ATG10: variants seen among roughly 807,000 people sequenced by gnomAD.
ATG10 encodes the protein ubiquitin-like-conjugating enzyme ATG10.
ATG10 carries 30 observed loss-of-function variants against 32.1 expected under a neutral mutation model. The observed-to-expected ratio is 0.94, with a 90% CI of 0.70 to 1.27. ATG10 has a LOEUF of 1.27. ATG10 is among the 50% of genes most tolerant of loss of function. ATG10 has a pLI of 0.00. For missense variants in ATG10, 233 were observed against 262.3 expected (o/e 0.89, Z 0.77); for synonymous variants, 87 against 91.5 (o/e 0.95, Z 0.28).
At chr5:82,120,078 G>T (rs929719598) in intron 3 of ATG10, among the ~76,000 whole-genome samples, 5 of 151,964 alleles carry the variant, frequency 3.3e-5, no homozygotes, top group East Asian at 3.9e-4. Flanking sequence ...AATTGGAAGG[G>T]TTGCTACTCC....
chr5:82,124,545 G>A (rs1215227907), intron 3 of ATG10, among the ~76,000 whole-genome samples: 3 of 151,578 alleles, frequency 2.0e-5, no homozygotes, highest in Admixed American at 6.6e-5. Context: ...GAGAACATGT[G>A]GTGTTTGGTT....
At chr5:82,046,013 C>T (rs1031738424) in intron 2 of ATG10, among the ~76,000 whole-genome samples, 6 of 152,124 alleles carry the variant, frequency 3.9e-5, no homozygotes, top group Non-Finnish European at 8.8e-5. Context: ...TGGGTAAAGC[C>T]CTTTTGGCTT....
intron 3 of ATG10, among the ~76,000 whole-genome samples, chr5:82,102,737 A>G (rs574987371): frequency 2.6e-5 from 4 of 152,262 alleles, no homozygotes; most frequent in Admixed American, 1.3e-4. Flanking sequence ...TCCTTCTCAC[A>G]GTGTTTTTAG....
intron 2 of ATG10, among the ~76,000 whole-genome samples, chr5:82,041,883 T>C (rs1365215881): frequency 6.6e-6 from 1 of 152,188 alleles, no homozygotes; most frequent in Non-Finnish European, 1.5e-5. Context: ...CCTAATCTCC[T>C]GTTAATTATA....
At position 82,178,521 on chromosome 5, in the gene ATG10, G is replaced by A; in HGVS notation, c.387G>A (p.Trp129Ter). 1 of 1,612,078 alleles carries A rather than the reference G, an allele frequency of 6.2e-7. No homozygotes were observed. The highest frequency in any genetic ancestry group is 8.5e-7 in the Non-Finnish European group (1 of 1,178,474). Reference sequence around the variant, plus strand: ...GACCTTTAACTCTGAAGGACATATGGGAAGGAGTTCATGAGTGCTATAAGA... The same window carrying A: ...GACCTTTAACTCTGAAGGACATATGAGAAGGAGTTCATGAGTGCTATAAGA... ...DGRPLTLKDI[W>*]EGVHECYKMR... The change falls in exon 5 of 8, where the codon TGG (tryptophan) becomes TGA (stop). Residue 129 changes from tryptophan to a stop codon, truncating the protein, a stop_gained. Coordinates refer to ENST00000282185, the MANE Select transcript of ATG10 (RefSeq NM_031482.5). LOFTEE classifies it high-confidence loss of function.
intron 3 of ATG10, among the ~76,000 whole-genome samples, chr5:82,064,423 A>G (rs1763878403): frequency 6.6e-6 from 1 of 152,092 alleles, no homozygotes; most frequent in Admixed American, 6.5e-5. Flanking sequence ...ATATGTAGAT[A>G]TGTGAATGGA....
At chr5:82,228,892 C>T (rs1746239744) in intron 5 of ATG10, among the ~76,000 whole-genome samples, 1 of 152,120 alleles carries the variant, frequency 6.6e-6, no homozygotes, top group Non-Finnish European at 1.5e-5. Flanking sequence ...TTTATATTTT[C>T]CTGAGTACCA....
intron 3 of ATG10, among the ~76,000 whole-genome samples, chr5:82,077,099 G>A (rs900340983): frequency 7.9e-5 from 12 of 152,160 alleles, no homozygotes; most frequent in African/African-American, 2.9e-4. Context: ...CGAGGCAGGC[G>A]ACGCTTCAGC....
intron 5 of ATG10, among the ~76,000 whole-genome samples, chr5:82,190,569 G>A (rs1196373511): frequency 1.3e-5 from 2 of 151,620 alleles, no homozygotes; most frequent in South Asian, 2.1e-4. Flanking sequence ...TCAAGAGATC[G>A]AGACCATCCT....
chr5:81,999,143 CAAA>C (rs370637760), intron 2 of ATG10, among the ~76,000 whole-genome samples: 15 of 116,518 alleles, frequency 1.3e-4, no homozygotes, highest in Admixed American at 1.8e-4. Flanking sequence ...AATCCTCAGC[CAAA>C]AAAAAAAAAA....
intron 5 of ATG10, among the ~76,000 whole-genome samples, chr5:82,195,669 G>A (rs1040642119): frequency 2.6e-5 from 4 of 151,960 alleles, no homozygotes; most frequent in African/African-American, 9.7e-5. Context: ...CTTTCATTTG[G>A]CATGTTTTCA....
intron 3 of ATG10, among the ~76,000 whole-genome samples, chr5:82,149,910 A>T (rs1370743215): frequency 6.6e-6 from 1 of 151,966 alleles, no homozygotes; most frequent in Admixed American, 6.6e-5. Flanking sequence ...GCTGAGTCTG[A>T]CCTTTTGTTA....
intron 2 of ATG10, among the ~76,000 whole-genome samples, chr5:82,033,813 A>G (rs1762815217): frequency 6.6e-6 from 1 of 151,204 alleles, no homozygotes; most frequent in South Asian, 2.1e-4. Context: ...AGATACACAT[A>G]TGTATATATC....
Position 82,079,337 on chromosome 5 carries a change from AAGAG to A in ATG10, c.216+20744_216+20747del, listed in dbSNP as rs896840617. On this transcript the variant is annotated intron_variant, in intron 3 of 7. Transcript: ENST00000282185. ...CATCTTACATGGATGGCAGCAGGCA[AAGAG>A]AGAGAGAGCACTTGTTCAGGGAAAC... Among the ~76,000 whole-genome samples, 208 of 152,104 alleles carry A rather than the reference AAGAG, an allele frequency of 1.4e-3. 2 individuals are homozygous for A. Among genetic ancestry groups the A allele is most frequent in the Admixed American group, 0.013 (202 of 15,252 alleles).
chr5:82,214,801 A>T (rs992164725), intron 5 of ATG10, among the ~76,000 whole-genome samples: 1 of 152,152 alleles, frequency 6.6e-6, no homozygotes, highest in African/African-American at 2.4e-5. Context: ...AAACAAGTGC[A>T]AACTGGCAGC....
intron 2 of ATG10, among the ~76,000 whole-genome samples, chr5:82,030,138 C>T (rs1258814382): frequency 6.6e-6 from 1 of 152,108 alleles, no homozygotes; most frequent in Non-Finnish European, 1.5e-5. Flanking sequence ...ATGCTACATA[C>T]AGTAGGGCCT....
chr5:82,061,575 C>T (rs1235894964), intron 3 of ATG10, among the ~76,000 whole-genome samples: 1 of 151,496 alleles, frequency 6.6e-6, no homozygotes, highest in Non-Finnish European at 1.5e-5. Context: ...ATAGAACTAG[C>T]TCACTTAACA....
chr5:82,132,446 TC>T (rs1243135198), intron 3 of ATG10, among the ~76,000 whole-genome samples: 4 of 111,602 alleles, frequency 3.6e-5, no homozygotes, highest in African/African-American at 1.4e-4. Flanking sequence ...GATGTTCCCC[TC>T]CCTGTGTCCA....
At chr5:82,250,037 A>G (rs1391196915) in intron 5 of ATG10, among the ~76,000 whole-genome samples, 2 of 152,198 alleles carry the variant, frequency 1.3e-5, no homozygotes, top group Non-Finnish European at 2.9e-5. Flanking sequence ...GTCAACATGT[A>G]CTTTACATCA....
Sources: allele counts gnomAD v4.1 joint callset (sites outside exome capture counted in the v4.1 genomes callset), GRCh38; gene constraint gnomAD v4.1.1; transcripts MANE v1.5; gene names NCBI Gene and HGNC (gene_info 2026-07-23, HGNC 2026-07-21).